Variants in MYO16 observed in about 807,000 individuals in gnomAD.
The protein encoded by MYO16 is myosin XVI, also known as unconventional myosin-XVI.
A neutral mutation model predicts 205.3 loss-of-function variants in MYO16; 94 were observed. The ratio of observed to expected loss-of-function variants is 0.46; its 90% confidence interval spans 0.39 to 0.54. The LOEUF (loss-of-function observed/expected upper bound fraction) is 0.54. Among genes scored for constraint, MYO16 ranks in the 20% least tolerant of loss-of-function variants. The pLI is 0.00. For missense variants in MYO16, 2,315 were observed against 2,387.5 expected (o/e 0.97, Z 0.63); for synonymous variants, 988 against 954.0 (o/e 1.04, Z -0.66).
At chr13:108,571,953 C>T in the MYO16 span, among the ~76,000 whole-genome samples, 1 of 150,376 alleles carries the variant, frequency 6.6e-6, no homozygotes, top group African/African-American at 2.4e-5. Context: ...CAGGGTCTTA[C>T]TCTATTGCCC....
At chr13:108,917,021 AAT>A (rs1881522938) in intron 16 of MYO16, among the ~76,000 whole-genome samples, 2 of 78 alleles carry the variant, frequency 0.026, no homozygotes, top group Non-Finnish European at 0.053. Flanking sequence ...TTGCCCCAGG[AAT>A]GTGAGATGCA....
intron 27 of MYO16, among the ~76,000 whole-genome samples, chr13:109,060,621 T>TGCACATGTATCCC (rs1479595074): frequency 6.6e-6 from 1 of 152,204 alleles, no homozygotes; most frequent in African/African-American, 2.4e-5. Flanking sequence ...CTGCATATTC[T>TGCACATGTATCCC]GCACATGTAT....
At chr13:108,538,560 A>G in the MYO16 span, among the ~76,000 whole-genome samples, 1 of 152,048 alleles carries the variant, frequency 6.6e-6, no homozygotes, top group Non-Finnish European at 1.5e-5. Flanking sequence ...ACCAAAGCTT[A>G]GCTCTGAATG....
chr13:108,529,627 C>T, the MYO16 span, among the ~76,000 whole-genome samples: 1 of 152,166 alleles, frequency 6.6e-6, no homozygotes, highest in Non-Finnish European at 1.5e-5. Context: ...GATCAATTCA[C>T]CTTGAACCTG....
intron 33 of MYO16, among the ~76,000 whole-genome samples, chr13:109,169,158 A>T (rs1352883942): frequency 6.6e-6 from 1 of 152,214 alleles, no homozygotes; most frequent in Non-Finnish European, 1.5e-5. Context: ...TTCACCTAAG[A>T]TAATGGCCTC....
chr13:108,857,060 T>C (rs1296077280), intron 11 of MYO16, among the ~76,000 whole-genome samples: 1 of 152,220 alleles, frequency 6.6e-6, no homozygotes, highest in African/African-American at 2.4e-5. Context: ...GATTATCGCC[T>C]GCCTTCCTGC....
intron 1 of MYO16, among the ~76,000 whole-genome samples, chr13:108,619,476 C>T (rs1879461490): frequency 6.6e-6 from 1 of 152,060 alleles, no homozygotes; most frequent in African/African-American, 2.4e-5. Context: ...TTGACTGGGT[C>T]TGTATGTTGA....
chr13:108,892,020 TA>T (rs1880199567), intron 14 of MYO16, among the ~76,000 whole-genome samples: 1 of 152,180 alleles, frequency 6.6e-6, no homozygotes, highest in Non-Finnish European at 1.5e-5. Flanking sequence ...AAATTAGTAT[TA>T]TTTTGCATAT....
chr13:109,175,433 A>G (rs1879124709), intron 33 of MYO16, among the ~76,000 whole-genome samples: 1 of 152,164 alleles, frequency 6.6e-6, no homozygotes, highest in Non-Finnish European at 1.5e-5. Context: ...GCTTTGGGGA[A>G]TTCCTTCCCC....
At chr13:108,983,372 C>T (rs763991427) in intron 20 of MYO16, among the ~76,000 whole-genome samples, 12 of 152,284 alleles carry the variant, frequency 7.9e-5, no homozygotes, top group Admixed American at 4.6e-4. Flanking sequence ...GTGGGATATT[C>T]ATCCAAGATT....
chr13:108,505,121 G>A, the MYO16 span, among the ~76,000 whole-genome samples: 1 of 152,162 alleles, frequency 6.6e-6, no homozygotes, highest in Non-Finnish European at 1.5e-5. Context: ...GGACATGGGT[G>A]TGCAAGTATC....
At chr13:109,147,548 G>A (rs1382670813) in intron 32 of MYO16, among the ~76,000 whole-genome samples, 1 of 152,146 alleles carries the variant, frequency 6.6e-6, no homozygotes, top group Non-Finnish European at 1.5e-5. Flanking sequence ...CCCATAATGG[G>A]ATGCAGAGCT....
intron 23 of MYO16, among the ~76,000 whole-genome samples, chr13:109,034,355 G>T (rs1027693448): frequency 6.6e-6 from 1 of 152,166 alleles, no homozygotes; most frequent in African/African-American, 2.4e-5. Context: ...AATCATGGGG[G>T]TGGTTTGCCC....
chr13:108,721,232 A>C (rs1441768970), intron 3 of MYO16, among the ~76,000 whole-genome samples: 1 of 152,204 alleles, frequency 6.6e-6, no homozygotes. Context: ...ACACGGTCAA[A>C]GCTTTGGACA....
intron 31 of MYO16, among the ~76,000 whole-genome samples, chr13:109,128,545 G>A (rs1876374481): frequency 6.6e-6 from 1 of 150,976 alleles, no homozygotes; most frequent in Admixed American, 6.6e-5. Context: ...ATAATAGGAA[G>A]ACATGGGGCA....
At chr13:109,177,136 G>A (rs911243940) in intron 33 of MYO16, among the ~76,000 whole-genome samples, 3 of 151,986 alleles carry the variant, frequency 2.0e-5, no homozygotes, top group South Asian at 4.1e-4. Flanking sequence ...CCTCCTCCTC[G>A]AAGGCCCAGG....
chr13:108,895,000 T>C (rs1160994440), intron 14 of MYO16, among the ~76,000 whole-genome samples: 5 of 152,206 alleles, frequency 3.3e-5, no homozygotes, highest in Admixed American at 3.3e-4. Flanking sequence ...GAATATTCAA[T>C]TCCATTGAAA....
chr13:108,635,682 T>C (rs985769177), intron 1 of MYO16, among the ~76,000 whole-genome samples: 1 of 151,972 alleles, frequency 6.6e-6, no homozygotes, highest in Admixed American at 6.6e-5. Context: ...TTATTTTTAG[T>C]AGAGATGGGT....
At chr13:109,056,489 C>T (rs925942649) in intron 27 of MYO16, among the ~76,000 whole-genome samples, 1 of 152,140 alleles carries the variant, frequency 6.6e-6, no homozygotes, top group Non-Finnish European at 1.5e-5. Context: ...ACTTAATTTA[C>T]AGATATATGC....
Sources: gnomAD v4.1 joint callset for allele counts (sites outside exome capture counted in the v4.1 genomes callset) on GRCh38, gnomAD v4.1.1 for gene constraint, MANE v1.5 for transcripts, NCBI Gene and HGNC (gene_info 2026-07-23, HGNC 2026-07-21) for gene names.